OR3A2: variants seen among roughly 807,000 people sequenced by gnomAD.
The protein encoded by OR3A2 is olfactory receptor 3A2.
For synonymous variants in OR3A2, 126 were observed against 159.3 expected, an observed-to-expected ratio of 0.79 and a Z score of 1.57; for missense variants, 318 against 392.8, an observed-to-expected ratio of 0.81 and a Z score of 1.61.
intron 2 of OR3A2, among the ~76,000 whole-genome samples, chr17:3,378,621 C>A (rs576156163): frequency 6.6e-6 from 1 of 152,264 alleles, no homozygotes; most frequent in South Asian, 2.1e-4. Context: ...ACCGAGCACG[C>A]AGCCCTGGCC....
rs540999867 is a variant in OR3A2, at chr17:3,336,145, G to A, written c.-178-19C>T. 4 of 152,202 alleles carry A rather than the reference G, an allele frequency of 2.6e-5. No homozygotes were observed. The highest frequency in any genetic ancestry group is 4.4e-5 in the Non-Finnish European group (3 of 68,030). The allele number at this position is 152,202 out of a possible 1,614,324, so 9.4% of individuals were successfully genotyped here. On this transcript the variant is annotated intron_variant, in intron 2 of 4. Coordinates refer to the OR3A2 transcript ENST00000573491. ...GGCATGTCTGTGGAAATAATGACAG[G>A]TCATCAGCCCTGCCATCAGCCAAGC...
chr17:3,365,105 G>A (rs1401171686), intron 2 of OR3A2, among the ~76,000 whole-genome samples: 4 of 151,984 alleles, frequency 2.6e-5, no homozygotes, highest in Non-Finnish European at 5.9e-5. Context: ...AACTCCAAAT[G>A]GTGTCACTAC....
At chr17:3,372,624 C>T (rs2049640233) in intron 2 of OR3A2, among the ~76,000 whole-genome samples, 1 of 152,116 alleles carries the variant, frequency 6.6e-6, no homozygotes, top group Non-Finnish European at 1.5e-5. Flanking sequence ...GAGCTGGAGA[C>T]CAGCCCGGCC....
intron 3 of OR3A2, among the ~76,000 whole-genome samples, chr17:3,315,569 C>T (rs768344436): frequency 1.3e-5 from 2 of 152,032 alleles, no homozygotes; most frequent in East Asian, 3.9e-4. Flanking sequence ...TTGAAGTTCC[C>T]TATAGGTTCT....
chr17:3,306,169 T>C lies in OR3A2; in HGVS notation c.-84-27016A>G, dbSNP rs556558222. Among the ~76,000 whole-genome samples the C allele has an allele frequency of 1.6e-3, 248 of 152,220 alleles. 1 individual carries two copies. Among genetic ancestry groups the C allele is most frequent in the Admixed American group, 6.0e-3 (91 of 15,294 alleles). On this transcript the variant is annotated intron_variant, in intron 3 of 4. Transcript: ENST00000573491. ...GTTGTTGTTTGTTTGCCTGTTTTTT[T>C]AGAGACAGGCCTTGCTCTGTTACCC...
intron 2 of OR3A2, among the ~76,000 whole-genome samples, chr17:3,350,914 C>G (rs1045754544): frequency 1.2e-4 from 18 of 150,344 alleles, no homozygotes; most frequent in Non-Finnish European, 2.2e-4. Context: ...AGCATATAAA[C>G]AGAACCAAAG....
At chr17:3,308,092 T>C (rs529475255) in intron 3 of OR3A2, among the ~76,000 whole-genome samples, 3 of 152,358 alleles carry the variant, frequency 2.0e-5, no homozygotes, top group South Asian at 2.1e-4. Flanking sequence ...TTTTGCCATA[T>C]TGAAGAAGGC....
At chr17:3,345,702 T>C (rs997528902) in intron 2 of OR3A2, among the ~76,000 whole-genome samples, 2 of 152,070 alleles carry the variant, frequency 1.3e-5, no homozygotes, top group South Asian at 4.1e-4. Flanking sequence ...AGGAGATAAA[T>C]GAATTTTTAA....
At chr17:3,310,849 TC>T (rs775568919) in intron 3 of OR3A2, 2 of 1,043,528 alleles carry the variant, frequency 1.9e-6, no homozygotes, top group Non-Finnish European at 2.8e-6. Context: ...ATCAATCACT[TC>T]TACTGTGACC....
At chr17:3,314,043 T>A (rs2049062372) in intron 3 of OR3A2, among the ~76,000 whole-genome samples, 1 of 152,188 alleles carries the variant, frequency 6.6e-6, no homozygotes. Context: ...TCTGATGAAA[T>A]AAAGACAATC....
chr17:3,311,711 C>A lies in OR3A2; in HGVS notation c.-85+24322G>T. 1 of 277,050 alleles carries A rather than the reference C, an allele frequency of 3.6e-6. No individual in the cohort carries two copies. Among genetic ancestry groups the A allele is most frequent in the South Asian group, 5.0e-5 (1 of 19,952 alleles). 17.2% of individuals were successfully genotyped at this position (277,050 alleles called of 1,614,324 possible). On this transcript the variant is annotated intron_variant, in intron 3 of 4. Transcript: ENST00000573491. The surrounding 1 kb of genome is among the most constrained non-coding windows in gnomAD (Gnocchi z 4.6). ...GCTGAGGGGAGGAAGAAGGCTTTCT[C>A]CACATGTGGCTCCCACCTCACTGTG...
At chr17:3,301,597 T>C (rs1024623938) in intron 3 of OR3A2, among the ~76,000 whole-genome samples, 4 of 152,214 alleles carry the variant, frequency 2.6e-5, no homozygotes, top group African/African-American at 7.2e-5. Flanking sequence ...TATTAGCCCT[T>C]TGTCAGATGA....
chr17:3,291,714 G>A (rs201744534), intron 3 of OR3A2: 24 of 1,612,912 alleles, frequency 1.5e-5, no homozygotes, highest in Admixed American at 5.0e-5. Context: ...GTAGATGATT[G>A]GGTTCAGCAT....
upstream of OR3A2, among the ~76,000 whole-genome samples, chr17:3,284,705 G>A (rs950944241): frequency 4.8e-5 from 7 of 144,648 alleles, no homozygotes; most frequent in Non-Finnish European, 8.9e-5. Flanking sequence ...AGGTTGTTAC[G>A]GCAGATGATG....
chr17:3,368,011 CTA>C (rs1323515632), intron 2 of OR3A2, among the ~76,000 whole-genome samples: 3 of 151,940 alleles, frequency 2.0e-5, no homozygotes, highest in Admixed American at 6.6e-5. Context: ...GCATTTTTTC[CTA>C]TGTTTGCTGA....
intron 2 of OR3A2, among the ~76,000 whole-genome samples, chr17:3,343,610 G>A (rs551356813): frequency 5.9e-5 from 9 of 152,194 alleles, no homozygotes; most frequent in African/African-American, 2.2e-4. Flanking sequence ...ATTTCATGAA[G>A]AAAACTAAGC....
At position 3,311,436 on chromosome 17, in the gene OR3A2, T is replaced by C. The variant is rs1181475956; in HGVS notation, c.-85+24597A>G. The C allele has an allele frequency of 1.5e-5, 7 of 470,382 alleles. No homozygotes were observed. Among genetic ancestry groups the C allele is most frequent in the Admixed American group, 1.1e-4 (5 of 44,608 alleles). The allele number at this position is 470,382 out of a possible 1,614,324, so 29.1% of individuals were successfully genotyped here. A position where few individuals can be genotyped will look rare whatever the true frequency, so the allele number is the denominator to read the frequency against. ...AAGTCCAGGGTGCCCTGGTGGGAAT[T>C]TGCTGCACTGTCTCCTTCATCAATG... is the stretch of plus-strand genomic sequence containing the variant. On this transcript the variant is annotated intron_variant, in intron 3 of 4. Transcript: ENST00000573491. This position sits in a 1 kb window ranked among gnomAD's most constrained non-coding sequence, Gnocchi z 4.6.
At chr17:3,343,453 T>A (rs544003194) in intron 2 of OR3A2, among the ~76,000 whole-genome samples, 1 of 152,350 alleles carries the variant, frequency 6.6e-6, no homozygotes, top group South Asian at 2.1e-4. Context: ...CTGGCCAACA[T>A]AAACTCAGTA....
intron 2 of OR3A2, among the ~76,000 whole-genome samples, chr17:3,359,818 CATT>C (rs1199219928): frequency 1.3e-5 from 2 of 151,684 alleles, no homozygotes; most frequent in African/African-American, 4.9e-5. Context: ...TCCAGTCTAT[CATT>C]GTTGGACATT....
Sources: allele counts gnomAD v4.1 joint callset (sites outside exome capture counted in the v4.1 genomes callset), GRCh38; gene constraint gnomAD v4.1.1; non-coding constraint Gnocchi (gnomAD v3.1); transcripts MANE v1.5; gene names NCBI Gene and HGNC (gene_info 2026-07-23, HGNC 2026-07-21).